The following BPGM variants were observed in gnomAD, a reference collection of about 807,000 sequenced individuals.
BPGM encodes 2,3-bisphosphoglycerate mutase, erythrocyte.
Under a neutral mutation model 21.6 loss-of-function variants are expected in BPGM, and 15 were observed. The observed-to-expected ratio is 0.70, with a 90% confidence interval of 0.47 to 1.07. BPGM has a LOEUF of 1.07. Ranked by LOEUF, BPGM falls within the 50% of genes least tolerant of loss-of-function variation. The pLI is 0.00. For missense variants in BPGM, 273 were observed against 319.0 expected, an observed-to-expected ratio of 0.86 and a Z score of 1.10; for synonymous variants, 113 against 116.2, an observed-to-expected ratio of 0.97 and a Z score of 0.18.
chr7:134,658,890 G>GTTTTTTTTTTTTTTTTTTTT (rs1284887799), intron 1 of BPGM, among the ~76,000 whole-genome samples: 1 of 137,818 alleles, frequency 7.3e-6, no homozygotes, highest in African/African-American at 2.7e-5. Flanking sequence ...GTGTGTGTGT[G>GTTTTTTTTTTTTTTTTTTTT]TATTTTTTTT....
chr7:134,663,159 A>T (rs1795763190), intron 2 of BPGM, among the ~76,000 whole-genome samples: 1 of 152,262 alleles, frequency 6.6e-6, no homozygotes, highest in African/African-American at 2.4e-5. Flanking sequence ...ACAAATAAAA[A>T]GGCTGACCTT....
chr7:134,663,986 C>CATGTAG (rs1239962364), intron 2 of BPGM, among the ~76,000 whole-genome samples: 1 of 152,172 alleles, frequency 6.6e-6, no homozygotes, highest in East Asian at 1.9e-4. Context: ...GAGAGAATTA[C>CATGTAG]ATGTAGAGGT....
chr7:134,661,949 C>T lies in BPGM; in HGVS notation c.442C>T (p.Pro148Ser). Reference sequence around the variant, plus strand: ...CCGGAGGTATAAAGTATGCGATGTGCCCTTGGATCAACTGCCACGGTCGGA... The same window carrying T: ...CCGGAGGTATAAAGTATGCGATGTGTCCTTGGATCAACTGCCACGGTCGGA... Reference protein sequence around the residue: ...NDRRYKVCDVPLDQLPRSESL... With the variant: ...NDRRYKVCDVSLDQLPRSESL... The change falls in exon 2 of 3, where the codon CCC (proline) becomes TCC (serine). Residue 148 changes from proline to serine, a missense_variant. By Grantham distance (74) the Pro-to-Ser change is moderately conservative. Transcript: ENST00000344924. The surrounding 1 kb of genome is among the most constrained non-coding windows in gnomAD (Gnocchi z 4.6). 1 of 1,614,106 alleles carries T rather than the reference C, an allele frequency of 6.2e-7. No homozygotes were observed. The highest frequency in any genetic ancestry group is 2.2e-5 in the East Asian group (1 of 44,880).
chr7:134,667,527 G>A (rs558701040), intron 2 of BPGM, among the ~76,000 whole-genome samples: 1 of 152,246 alleles, frequency 6.6e-6, no homozygotes, highest in Admixed American at 6.5e-5. Context: ...ACAACATAGT[G>A]AGACCCCATT....
intron 2 of BPGM, among the ~76,000 whole-genome samples, chr7:134,675,500 A>G (rs572626810): frequency 2.2e-4 from 34 of 152,198 alleles, no homozygotes; most frequent in African/African-American, 7.5e-4. Flanking sequence ...TATTTGTTGA[A>G]AAGATTATTG....
intron 2 of BPGM, among the ~76,000 whole-genome samples, chr7:134,663,153 A>G (rs1795763095): frequency 6.6e-6 from 1 of 152,270 alleles, no homozygotes; most frequent in African/African-American, 2.4e-5. Flanking sequence ...GCTGTGACAA[A>G]TAAAAAGGCT....
rs1007481067 is a variant in BPGM at position 134,661,828 on chromosome 7, T to C, written c.321T>C (p.His107=). ...ACAGGGAGCAGATGGCTTTGAATCA[T>C]GGTGAAGAACAAGTGAGGCTCTGGA... The part of the protein sequence containing the change: ...GLNREQMALN[H]GEEQVRLWRR... The change falls in exon 2 of 3, where the codon CAT becomes CAC. Residue 107 remains histidine (H), a synonymous_variant. Transcript: ENST00000344924. The surrounding 1 kb of genome is among the most constrained non-coding windows in gnomAD (Gnocchi z 4.6). The C allele has an allele frequency of 4.3e-6, 7 of 1,610,520 alleles. No individual in the cohort carries two copies. Among genetic ancestry groups the C allele is most frequent in the South Asian group, 1.1e-5 (1 of 90,798 alleles).
Position 134,655,956 on chromosome 7 carries a change from G to A in BPGM, c.-61-5491G>A, listed in dbSNP as rs143563206. On this transcript the variant is annotated intron_variant, in intron 1 of 2. Transcript: ENST00000344924. Reference sequence around the variant, plus strand: ...ATCCATCGCAAGTGCACCAAATGTGGTTAAGCGGGATGCTACAGGAGTAGG... The same window carrying A: ...ATCCATCGCAAGTGCACCAAATGTGATTAAGCGGGATGCTACAGGAGTAGG... 3.2e-4 allele frequency among the ~76,000 whole-genome samples: 48 copies of A among 152,356 alleles called. 1 individual carries two copies. In the East Asian group the frequency reaches 6.4e-3, roughly 20 times the overall value.
In BPGM at chr7:134,665,649, G is replaced by GAAAAAAAAAAAAAA. The variant is rs1164169964; in HGVS notation, c.601+3552_601+3565dup. Among the ~76,000 whole-genome samples, 4 of 78,250 alleles carry GAAAAAAAAAAAAAA rather than the reference G, an allele frequency of 5.1e-5. 2 individuals carry two copies. Among genetic ancestry groups the GAAAAAAAAAAAAAA allele is most frequent in the African/African-American group, 1.6e-4 (4 of 24,388 alleles). The allele number at this position is 78,250 out of a possible 152,430, so 51.3% of individuals were successfully genotyped here. ...AAAATAAAATAAAATAAAAATTAAT[G>GAAAAAAAAAAAAAA]AAAAAAAAAAAAAAAAAAAAAAAAG... On this transcript the variant is annotated intron_variant, in intron 2 of 2. Coordinates refer to ENST00000344924, the MANE Select transcript of BPGM (RefSeq NM_001724.5).
intron 2 of BPGM, among the ~76,000 whole-genome samples, chr7:134,675,722 C>T (rs574883207): frequency 1.6e-4 from 24 of 152,128 alleles, no homozygotes; most frequent in African/African-American, 5.1e-4. Flanking sequence ...CCTTAGATTT[C>T]CATATGAACT....
At chr7:134,672,940 C>T (rs534289892) in intron 2 of BPGM, among the ~76,000 whole-genome samples, 11 of 151,968 alleles carry the variant, frequency 7.2e-5, no homozygotes, top group Non-Finnish European at 1.2e-4. Flanking sequence ...TTTGGGAGGC[C>T]GAGGCGGGCA....
chr7:134,675,517 C>T (rs998187834), intron 2 of BPGM, among the ~76,000 whole-genome samples: 2 of 152,078 alleles, frequency 1.3e-5, no homozygotes, highest in Admixed American at 6.5e-5. Flanking sequence ...ATTGTTTCTG[C>T]ATTTCATTGT....
chr7:134,659,000 G>A (rs543733871), intron 1 of BPGM, among the ~76,000 whole-genome samples: 21 of 151,954 alleles, frequency 1.4e-4, no homozygotes, highest in African/African-American at 5.1e-4. Context: ...TGTCCATGTT[G>A]CTATTACTAC....
At position 134,661,346 on chromosome 7, in the gene BPGM, G is replaced by A; in HGVS notation, c.-61-101G>A. 2 of 961,406 alleles carry A rather than the reference G, an allele frequency of 2.1e-6. No homozygotes were observed. The highest frequency in any genetic ancestry group is 3.1e-6 in the Non-Finnish European group (2 of 636,926). 59.6% of individuals were successfully genotyped at this position (961,406 alleles called of 1,614,324 possible). A position where few individuals can be genotyped will look rare whatever the true frequency, so the allele number is the denominator to read the frequency against. On this transcript the variant is annotated intron_variant, in intron 1 of 2. Transcript: ENST00000344924. The surrounding 1 kb of genome is among the most constrained non-coding windows in gnomAD (Gnocchi z 4.6). ...TTATCACATTTCTGACTGTTCAAAG[G>A]GATTTCAGTTTCTTTTAGAAATTGG...
chr7:134,678,716 A>G, intron 2 of BPGM, 137 bp from the exon 3 acceptor site: 1 of 908,742 alleles, frequency 1.1e-6, no homozygotes, highest in Non-Finnish European at 1.8e-6. Flanking sequence ...GCTTCCAGGA[A>G]TTATAGCTGG....
In BPGM at chr7:134,679,355, G is replaced by T. The variant is rs1461313281; in HGVS notation, c.*324G>T. On this transcript the variant is annotated 3_prime_UTR_variant, in exon 3 of 3. Coordinates refer to ENST00000344924, the MANE Select transcript of BPGM (RefSeq NM_001724.5). ...GAAGTTAAAGGTATTTATCATTCAA[G>T]AAATCATTATTGAGTCACCATTGAC... The T allele has an allele frequency of 3.1e-6, 1 of 324,094 alleles. No individual in the cohort carries two copies. The highest frequency in any genetic ancestry group is 6.9e-5 in the East Asian group (1 of 14,514). 20.1% of individuals were successfully genotyped at this position (324,094 alleles called of 1,614,324 possible). A position where few individuals can be genotyped will look rare whatever the true frequency, so the allele number is the denominator to read the frequency against.
chr7:134,657,067 T>C (rs533062102), intron 1 of BPGM, among the ~76,000 whole-genome samples: 16 of 152,306 alleles, frequency 1.1e-4, no homozygotes, highest in Middle Eastern at 3.4e-3. Context: ...AATAGAGCAG[T>C]TGTTACACCT....
In BPGM at chr7:134,676,633, G is replaced by A. The variant is rs139570318; in HGVS notation, c.602-2220G>A. On this transcript the variant is annotated intron_variant, in intron 2 of 2. Coordinates refer to ENST00000344924, the MANE Select transcript of BPGM (RefSeq NM_001724.5). The stretch of plus-strand genomic sequence containing the variant: ...AAAATACAGGAATGTTGGTGCTAGA[G>A]GGACTTATTTTATAAATGAAAAAAT... Among the ~76,000 whole-genome samples the A allele has an allele frequency of 7.9e-4, 120 of 152,270 alleles. 2 individuals are homozygous for A. Among genetic ancestry groups the A allele is most frequent in the African/African-American group, 2.6e-3 (107 of 41,550 alleles).
Position 134,661,426 on chromosome 7 carries a change from T to G in BPGM, c.-61-21T>G. 6.3e-7 allele frequency: 1 copy of G among 1,585,702 alleles called. No homozygotes were observed. The highest frequency in any genetic ancestry group is 8.6e-7 in the Non-Finnish European group (1 of 1,156,332). The stretch of plus-strand genomic sequence containing the variant: ...ATTGTCAGTTGAATATAACTTAGAC[T>G]TGTTGTTCTTGTCTTTCTAGATGTA... On this transcript the variant is annotated intron_variant, in intron 1 of 2. Transcript: ENST00000344924. This position sits in a 1 kb window ranked among gnomAD's most constrained non-coding sequence, Gnocchi z 4.6.
Sources: gnomAD v4.1 joint callset for allele counts (sites outside exome capture counted in the v4.1 genomes callset) on GRCh38, gnomAD v4.1.1 for gene constraint, Gnocchi (gnomAD v3.1) non-coding constraint, MANE v1.5 for transcripts, NCBI Gene and HGNC (gene_info 2026-07-23, HGNC 2026-07-21) for gene names.